The following DNAAF4 variants were observed in gnomAD, a reference collection of about 807,000 sequenced individuals.
The protein encoded by DNAAF4 is dynein assembly factor 4, axonemal.
Under a neutral mutation model 51.8 loss-of-function variants are expected in DNAAF4, and 43 were observed. The ratio of observed to expected loss-of-function variants is 0.83; its 90% confidence interval spans 0.65 to 1.07. The LOEUF is 1.07. Ranked by LOEUF, DNAAF4 falls within the 50% of genes least tolerant of loss-of-function variation. The probability of loss-of-function intolerance (pLI) is 0.00; values close to 1 mark genes in which losing one functional copy is unlikely to be tolerated. For synonymous variants in DNAAF4, 194 were observed against 165.6 expected (o/e 1.17, Z -1.32); for missense variants, 581 against 493.0 (o/e 1.18, Z -1.69).
At chr15:55,431,013 A>G (rs1017523995) in intron 9 of DNAAF4, among the ~76,000 whole-genome samples, 31 of 151,826 alleles carry the variant, frequency 2.0e-4, no homozygotes, top group Admixed American at 2.0e-3. Flanking sequence ...TCCTGGGTTC[A>G]CACCATTCTT....
At position 55,472,085 on chromosome 15, in the gene DNAAF4, C is replaced by CCG. The variant is rs2058263827; in HGVS notation, c.406-4926_406-4925dup. Among the ~76,000 whole-genome samples, 5 of 152,098 alleles carry CCG rather than the reference C, an allele frequency of 3.3e-5. No individual in the cohort carries two copies. In the South Asian group the frequency reaches 1.0e-3, roughly 32 times the overall value. On this transcript the variant is annotated intron_variant, in intron 4 of 9. Coordinates refer to ENST00000321149, the MANE Select transcript of DNAAF4 (RefSeq NM_130810.4). The stretch of plus-strand genomic sequence containing the variant: ...AAACTCCTGACTTCAAATGATCCAC[C>CCG]CGCCTCAACCTCCCAAAGTGCAGGG...
chr15:55,421,187 C>CA (rs35897132), intron 7 of DNAAF4, among the ~76,000 whole-genome samples: 10,314 of 110,212 alleles, frequency 0.094, 886 homozygotes, highest in African/African-American at 0.23. Context: ...GAGACTATCT[C>CA]AAAAAAAAAA....
intron 7 of DNAAF4, among the ~76,000 whole-genome samples, chr15:55,436,262 G>A (rs1410598676): frequency 6.6e-6 from 1 of 151,860 alleles, no homozygotes; most frequent in Non-Finnish European, 1.5e-5. Context: ...ATCTCATAGT[G>A]GTTTTGATAA....
At chr15:55,499,116 G>A (rs546762128) in intron 1 of DNAAF4, among the ~76,000 whole-genome samples, 1 of 152,106 alleles carries the variant, frequency 6.6e-6, no homozygotes, top group Admixed American at 6.6e-5. Context: ...TAGTTGTTCT[G>A]TTTTGCAAAT....
intron 4 of DNAAF4, among the ~76,000 whole-genome samples, chr15:55,489,260 CATGAAA>C (rs558090572): frequency 6.6e-6 from 1 of 151,804 alleles, no homozygotes; most frequent in Non-Finnish European, 1.5e-5. Context: ...TTTTTAAATT[CATGAAA>C]ATGATAAAAT....
chr15:55,440,929 C>T (rs1211848506), intron 6 of DNAAF4, among the ~76,000 whole-genome samples: 1 of 151,892 alleles, frequency 6.6e-6, no homozygotes, highest in South Asian at 2.1e-4. Context: ...GATTCACCCA[C>T]CTTGGCCTCC....
chr15:55,448,996 A>T lies in DNAAF4; in HGVS notation c.783+1226T>A, dbSNP rs202173169. ...ATTGTCATTATGTCTTTTATTTTTT[A>T]TTTTTTTTTTTGAGACAGAGTTTCA... On this transcript the variant is annotated intron_variant, in intron 6 of 9. Coordinates refer to ENST00000321149, the MANE Select transcript of DNAAF4 (RefSeq NM_130810.4). Among the ~76,000 whole-genome samples, 287 of 145,848 alleles carry T rather than the reference A, an allele frequency of 2.0e-3. 5 individuals are homozygous for T. The East Asian group carries it at 0.031, about 16-fold the overall frequency.
intron 8 of DNAAF4, among the ~76,000 whole-genome samples, chr15:55,433,934 A>G (rs1430862973): frequency 0.14 from 158 of 1,132 alleles, no homozygotes; most frequent in African/African-American, 0.17. Context: ...TATATTATAT[A>G]AAATATATAT....
intron 7 of DNAAF4, among the ~76,000 whole-genome samples, chr15:55,420,581 A>C (rs1309387760): frequency 2.0e-5 from 3 of 152,208 alleles, no homozygotes; most frequent in African/African-American, 7.2e-5. Flanking sequence ...CAGACTCATC[A>C]ACTTCTTCCA....
downstream of DNAAF4, among the ~76,000 whole-genome samples, chr15:55,429,356 C>G (rs887734607): frequency 2.7e-5 from 4 of 150,160 alleles, no homozygotes; most frequent in African/African-American, 4.9e-5. Context: ...CCTGTCTTTA[C>G]TAAAAATACA....
At chr15:55,452,689 TAAAC>T (rs915747095) in intron 5 of DNAAF4, among the ~76,000 whole-genome samples, 4 of 152,096 alleles carry the variant, frequency 2.6e-5, no homozygotes, top group Non-Finnish European at 5.9e-5. Flanking sequence ...AAAAAATAAA[TAAAC>T]AAAAGGTTCA....
rs1595899451 is a variant in DNAAF4 at position 55,443,255 on chromosome 15, T to G, written c.784-3674A>C. On this transcript the variant is annotated intron_variant, in intron 6 of 9. Transcript: ENST00000321149. Reference sequence around the variant, plus strand: ...ATGACTTCCTCAGAAGAAAATGACCTCAGCGCGGGTTGCGGCTCACTACCC... The same window carrying G: ...ATGACTTCCTCAGAAGAAAATGACCGCAGCGCGGGTTGCGGCTCACTACCC... The G allele has an allele frequency of 2.5e-6, 4 of 1,598,256 alleles. No homozygotes were observed. The Admixed American group carries it at 6.8e-5, about 27-fold the overall frequency.
At chr15:55,428,998 G>A (rs548259838), downstream of DNAAF4, among the ~76,000 whole-genome samples, 5 of 151,430 alleles carry the variant, frequency 3.3e-5, no homozygotes, top group South Asian at 6.4e-4. Context: ...GAGGCAGGCA[G>A]ACCACTTGAG....
chr15:55,469,290 A>G (rs151051531), intron 4 of DNAAF4, among the ~76,000 whole-genome samples: 10,941 of 151,330 alleles, frequency 0.072, 478 homozygotes, highest in South Asian at 0.1. Flanking sequence ...AGATAAAGCC[A>G]TTGCACTCAA....
At chr15:55,496,189 T>C (rs7169784) in intron 3 of DNAAF4, among the ~76,000 whole-genome samples, 42,580 of 151,972 alleles carry the variant, frequency 0.28, 9,661 homozygotes, top group African/African-American at 0.63. Flanking sequence ...CGAGATCGCA[T>C]CACTGCACTC....
intron 7 of DNAAF4, among the ~76,000 whole-genome samples, chr15:55,420,421 A>G (rs760506378): frequency 7.9e-5 from 12 of 152,120 alleles, no homozygotes; most frequent in Non-Finnish European, 1.6e-4. Flanking sequence ...CTGGAAAAAA[A>G]AAAAATCATT....
At chr15:55,492,451 T>C (rs917622367) in intron 3 of DNAAF4, among the ~76,000 whole-genome samples, 17 of 152,168 alleles carry the variant, frequency 1.1e-4, no homozygotes, top group Non-Finnish European at 2.9e-5. Context: ...CCTTTCACAA[T>C]GTTTTAAAAT....
intron 7 of DNAAF4, chr15:55,418,228 G>T (rs1336728328): frequency 6.4e-7 from 1 of 1,572,314 alleles, no homozygotes; most frequent in Non-Finnish European, 8.6e-7. Flanking sequence ...TTTAGGATAA[G>T]AAAAGTACTT....
chr15:55,496,162 C>T (rs1203817765), intron 3 of DNAAF4, among the ~76,000 whole-genome samples: 1 of 152,050 alleles, frequency 6.6e-6, no homozygotes, highest in Non-Finnish European at 1.5e-5. Context: ...CCTAGGGAGG[C>T]GGAGGTTGCA....
Sources: allele counts gnomAD v4.1 joint callset (sites outside exome capture counted in the v4.1 genomes callset), GRCh38; gene constraint gnomAD v4.1.1; transcripts MANE v1.5; gene names NCBI Gene and HGNC (gene_info 2026-07-23, HGNC 2026-07-21).